Variants in RAB3C observed in about 807,000 individuals in gnomAD.
RAB3C encodes ras-related protein Rab-3C.
In RAB3C, 17 loss-of-function variants were observed where a neutral mutation model predicts 26.4. That is an observed-to-expected ratio of 0.64 (90% CI 0.44 to 0.97). The LOEUF (loss-of-function observed/expected upper bound fraction) is 0.97, where lower values mean the gene tolerates loss of function less well. RAB3C is among the 50% of genes least tolerant of loss of function. The pLI is 0.00. For missense variants in RAB3C, 242 were observed against 281.9 expected, an observed-to-expected ratio of 0.86 and a Z score of 1.01; for synonymous variants, 91 against 95.9, an observed-to-expected ratio of 0.95 and a Z score of 0.30.
At chr5:58,757,607 T>G (rs1020259317) in intron 3 of RAB3C, among the ~76,000 whole-genome samples, 3 of 152,276 alleles carry the variant, frequency 2.0e-5, no homozygotes, top group Admixed American at 6.5e-5. Context: ...CACGTCCATC[T>G]GTCCTTCATT....
At chr5:58,709,639 G>A (rs531379840) in intron 2 of RAB3C, among the ~76,000 whole-genome samples, 19 of 152,150 alleles carry the variant, frequency 1.2e-4, no homozygotes, top group South Asian at 1.0e-3. Flanking sequence ...AGCCTGGCCC[G>A]TAATTGTTGT....
chr5:58,767,024 G>GT (rs1208531669), intron 3 of RAB3C, among the ~76,000 whole-genome samples: 13 of 152,008 alleles, frequency 8.6e-5, no homozygotes, highest in Non-Finnish European at 1.6e-4. Flanking sequence ...CAGCGGGGGG[G>GT]ACTCAGACAG....
chr5:58,639,962 C>A (rs1331546872), intron 2 of RAB3C, among the ~76,000 whole-genome samples: 1 of 152,200 alleles, frequency 6.6e-6, no homozygotes, highest in Non-Finnish European at 1.5e-5. Context: ...CATTTCCATT[C>A]TCTTTCTTTA....
Position 58,608,297 on chromosome 5 carries a change from T to C in RAB3C, c.25-9346T>C, listed in dbSNP as rs148433974. 3.9e-4 allele frequency among the ~76,000 whole-genome samples: 60 copies of C among 152,146 alleles called. No homozygotes were observed. In the East Asian group the frequency reaches 8.5e-3, roughly 22 times the overall value. On this transcript the variant is annotated intron_variant, in intron 1 of 4. Transcript: ENST00000282878. ...GGGGTTGCATCTGACAAAGGGCTAA[T>C]ATCCAGAATCTACAAAGAATCTACA...
At chr5:58,677,275 G>A (rs995496270) in intron 2 of RAB3C, among the ~76,000 whole-genome samples, 1 of 152,138 alleles carries the variant, frequency 6.6e-6, no homozygotes, top group Non-Finnish European at 1.5e-5. Context: ...TCAAAATAGG[G>A]TTATATTCTG....
intron 2 of RAB3C, among the ~76,000 whole-genome samples, chr5:58,673,809 C>T (rs1246821559): frequency 6.6e-6 from 1 of 152,196 alleles, no homozygotes; most frequent in Non-Finnish European, 1.5e-5. Context: ...CTGTTTCACC[C>T]TGAACATGCC....
At chr5:58,708,017 G>T (rs749484241) in intron 2 of RAB3C, among the ~76,000 whole-genome samples, 5 of 150,102 alleles carry the variant, frequency 3.3e-5, no homozygotes, top group Non-Finnish European at 5.9e-5. Context: ...TTGAGACAGG[G>T]TCTCTCTGTG....
At chr5:58,782,163 A>G (rs1742285574) in intron 3 of RAB3C, among the ~76,000 whole-genome samples, 1 of 152,152 alleles carries the variant, frequency 6.6e-6, no homozygotes, top group Admixed American at 6.6e-5. Context: ...GAATGAATGA[A>G]TGAATGGGAA....
At chr5:58,586,337 C>T (rs1328623214) in intron 1 of RAB3C, among the ~76,000 whole-genome samples, 5 of 151,950 alleles carry the variant, frequency 3.3e-5, no homozygotes, top group Non-Finnish European at 7.4e-5. Context: ...TCTGGAAAAC[C>T]CACGTTCTTT....
At chr5:58,748,185 AG>A (rs11362791) in intron 3 of RAB3C, among the ~76,000 whole-genome samples, 2,005 of 151,720 alleles carry the variant, frequency 0.013, 51 homozygotes, top group African/African-American at 0.045. Context: ...AAGAATTTCA[AG>A]GGGGGGGAAA....
At chr5:58,834,026 T>C (rs1743679869) in intron 4 of RAB3C, among the ~76,000 whole-genome samples, 1 of 152,222 alleles carries the variant, frequency 6.6e-6, no homozygotes, top group Non-Finnish European at 1.5e-5. Context: ...CACAAGAAAT[T>C]AGTTCAAAAA....
At chr5:58,649,807 G>A (rs1047664481) in intron 2 of RAB3C, among the ~76,000 whole-genome samples, 1 of 152,148 alleles carries the variant, frequency 6.6e-6, no homozygotes, top group Non-Finnish European at 1.5e-5. Flanking sequence ...GAACTCTGTA[G>A]CCAAAGCAGT....
At chr5:58,830,799 G>A (rs1335875550) in intron 4 of RAB3C, among the ~76,000 whole-genome samples, 1 of 152,164 alleles carries the variant, frequency 6.6e-6, no homozygotes, top group South Asian at 2.1e-4. Context: ...TGTAATAGCA[G>A]CATCATCATA....
At chr5:58,728,882 C>T (rs1740943406) in intron 3 of RAB3C, among the ~76,000 whole-genome samples, 1 of 152,018 alleles carries the variant, frequency 6.6e-6, no homozygotes, top group African/African-American at 2.4e-5. Flanking sequence ...TATGTTTCAA[C>T]TAAACAGAAA....
At chr5:58,799,526 A>G (rs745930793) in intron 3 of RAB3C, among the ~76,000 whole-genome samples, 1 of 152,158 alleles carries the variant, frequency 6.6e-6, no homozygotes, top group Non-Finnish European at 1.5e-5. Flanking sequence ...AGAATAATCA[A>G]TGTGAACACA....
intron 3 of RAB3C, among the ~76,000 whole-genome samples, chr5:58,767,093 A>ATGCCAC (rs564213709): frequency 8.7e-4 from 133 of 152,314 alleles, no homozygotes; most frequent in African/African-American, 3.2e-3. Context: ...GTGCCAGTAC[A>ATGCCAC]TGTGGTCTGG....
chr5:58,680,123 A>T lies in RAB3C; in HGVS notation c.253-45879A>T, dbSNP rs571881600. ...GGCACTAATTTACAACAAATAAAAGAATCAAAGAAAGGGAAGGAGTTCATT... is the reference window on the plus strand; with the variant it reads ...GGCACTAATTTACAACAAATAAAAGTATCAAAGAAAGGGAAGGAGTTCATT... On this transcript the variant is annotated intron_variant, in intron 2 of 4. Coordinates refer to ENST00000282878, the MANE Select transcript of RAB3C (RefSeq NM_138453.4). Among the ~76,000 whole-genome samples the T allele has an allele frequency of 2.0e-5, 3 of 152,336 alleles. No homozygotes were observed. In the East Asian group the frequency reaches 5.8e-4, roughly 29 times the overall value.
chr5:58,678,896 C>A (rs1486493014), intron 2 of RAB3C, among the ~76,000 whole-genome samples: 1 of 152,124 alleles, frequency 6.6e-6, no homozygotes, highest in Admixed American at 6.5e-5. Context: ...TAGAAAAACC[C>A]TATTTCACCA....
intron 4 of RAB3C, among the ~76,000 whole-genome samples, chr5:58,840,077 C>T (rs1256693497): frequency 1.3e-5 from 2 of 151,808 alleles, no homozygotes; most frequent in Admixed American, 1.3e-4. Flanking sequence ...TCATCTTTTC[C>T]CTTCTTTTCT....
Sources: allele counts gnomAD v4.1 joint callset (sites outside exome capture counted in the v4.1 genomes callset), GRCh38; gene constraint gnomAD v4.1.1; transcripts MANE v1.5; gene names NCBI Gene and HGNC (gene_info 2026-07-23, HGNC 2026-07-21).